The following CNTN2 variants were observed in gnomAD, a reference collection of about 807,000 sequenced individuals.
The protein encoded by CNTN2 is contactin-2.
In CNTN2, 53 loss-of-function variants were observed where a neutral mutation model predicts 117.5. That is an observed-to-expected ratio of 0.45 (90% CI 0.36 to 0.57). The LOEUF (loss-of-function observed/expected upper bound fraction) is 0.57. Ranked by LOEUF, CNTN2 falls within the 20% of genes least tolerant of loss-of-function variation. CNTN2 has a pLI of 0.00. For missense variants in CNTN2, 1,106 were observed against 1,404.3 expected, an observed-to-expected ratio of 0.79 and a Z score of 3.39; for synonymous variants, 530 against 561.7, an observed-to-expected ratio of 0.94 and a Z score of 0.80.
intron 10 of CNTN2, 188 bp downstream of exon 10, chr1:205,062,757 G>A: frequency 1.8e-6 from 1 of 561,160 alleles, no homozygotes; most frequent in East Asian, 3.7e-5. Flanking sequence ...GTTGACAGCT[G>A]CCAGAGGGCA....
At chr1:205,051,470 G>T (rs912595724) in intron 1 of CNTN2, among the ~76,000 whole-genome samples, 2 of 152,210 alleles carry the variant, frequency 1.3e-5, no homozygotes, top group African/African-American at 4.8e-5. Flanking sequence ...AGTGCAGAAT[G>T]TCTTGAGTTC....
At chr1:205,072,893 G>A in intron 21 of CNTN2, 175 bp from the exon 22 acceptor site, 1 of 698,496 alleles carries the variant, frequency 1.4e-6, no homozygotes, top group South Asian at 1.9e-5. Flanking sequence ...ACAGTTCAGT[G>A]GCCTGCAAGC....
chr1:205,055,396 G>A (rs1412090288), intron 2 of CNTN2, among the ~76,000 whole-genome samples: 2 of 152,116 alleles, frequency 1.3e-5, no homozygotes, highest in African/African-American at 4.8e-5. Context: ...GGTGTGTGAG[G>A]GTGTCTGTGG....
Position 205,058,347 on chromosome 1 carries a change from C to T in CNTN2, c.382C>T (p.Arg128Cys). 2 of 1,525,556 alleles carry T rather than the reference C, an allele frequency of 1.3e-6. No individual in the cohort carries two copies. The highest frequency in any genetic ancestry group is 1.8e-6 in the Non-Finnish European group (2 of 1,135,308). 94.5% of individuals were successfully genotyped at this position (1,525,556 alleles called of 1,614,324 possible). A position where few individuals can be genotyped will look rare whatever the true frequency, so the allele number is the denominator to read the frequency against. ...CGTTGTCAGCAGGGAGGCCATCCTC[C>T]GCTTCGGCTGTGAGACCCGCGGGGG... is the stretch of plus-strand genomic sequence containing the variant. ...GTVVSREAIL[R>C]FGFLQEFSKE... The change falls in exon 4 of 23, where the codon CGC becomes TGC. Residue 128 changes from arginine (R) to cysteine (C), a missense_variant. Arg to Cys is a radical substitution (Grantham distance 180). Coordinates refer to ENST00000331830, the MANE Select transcript of CNTN2 (RefSeq NM_005076.5). The surrounding 1 kb of genome is among the most constrained non-coding windows in gnomAD (Gnocchi z 4.3).
chr1:205,054,072 C>T (rs770614484), intron 2 of CNTN2, among the ~76,000 whole-genome samples: 7 of 152,232 alleles, frequency 4.6e-5, no homozygotes, highest in Non-Finnish European at 8.8e-5. Context: ...GGGAGGTCCC[C>T]AGCCGCCTCC....
intron 1 of CNTN2, among the ~76,000 whole-genome samples, chr1:205,052,601 A>C (rs1325609955): frequency 6.6e-6 from 1 of 152,168 alleles, no homozygotes; most frequent in Non-Finnish European, 1.5e-5. Flanking sequence ...CTGCTAGGAA[A>C]ACAAGACTGG....
chr1:205,068,482 G>C (rs1186131493), intron 16 of CNTN2: 1 of 152,196 alleles, frequency 6.6e-6, no homozygotes, highest in African/African-American at 2.4e-5. Context: ...GATTGATCCT[G>C]AACTTCTTGG....
In CNTN2 at chr1:205,058,369, G is replaced by A. The variant is rs200725113; in HGVS notation, c.391+13G>A. The A allele has an allele frequency of 1.9e-4, 295 of 1,530,692 alleles. 2 individuals carry two copies. The Admixed American group carries it at 5.8e-3, about 30-fold the overall frequency. The allele number at this position is 1,530,692 out of a possible 1,614,324, so 94.8% of individuals were successfully genotyped here. A position where few individuals can be genotyped will look rare whatever the true frequency, so the allele number is the denominator to read the frequency against. The stretch of plus-strand genomic sequence containing the variant: ...CTCCGCTTCGGCTGTGAGACCCGCG[G>A]GGGACCAAGACACTTTGGGGGAGGG... On this transcript the variant is annotated intron_variant, in intron 4 of 22. Coordinates refer to ENST00000331830, the MANE Select transcript of CNTN2 (RefSeq NM_005076.5). This position sits in a 1 kb window ranked among gnomAD's most constrained non-coding sequence, Gnocchi z 4.3.
At position 205,073,520 on chromosome 1, in the gene CNTN2, GAGA is replaced by G. The variant is rs1654705689; in HGVS notation, c.3014-132_3014-130del. ...TACAAAGCACCGTAGGAGTCGGACT[GAGA>G]AGACCACCCAGCCGTCCGCTCCCAG... On this transcript the variant is annotated intron_variant, in intron 22 of 22. Transcript: ENST00000331830. The surrounding 1 kb of genome is among the most constrained non-coding windows in gnomAD (Gnocchi z 6.3). 3.6e-6 allele frequency: 3 copies of G among 822,610 alleles called. No individual in the cohort carries two copies. Among genetic ancestry groups the G allele is most frequent in the Admixed American group, 2.2e-5 (1 of 45,376 alleles). The allele number at this position is 822,610 out of a possible 1,614,324, so 51.0% of individuals were successfully genotyped here. A position where few individuals can be genotyped will look rare whatever the true frequency, so the allele number is the denominator to read the frequency against.
intron 9 of CNTN2, 46 bp downstream of exon 9, chr1:205,062,047 C>A: frequency 6.3e-7 from 1 of 1,597,326 alleles, no homozygotes; most frequent in Non-Finnish European, 8.5e-7. Flanking sequence ...CTGTCCTCTG[C>A]TCACTTGGTT....
At position 205,059,394 on chromosome 1, in the gene CNTN2, G is replaced by A; in HGVS notation, c.697+101G>A. On this transcript the variant is annotated intron_variant, in intron 6 of 22. Coordinates refer to ENST00000331830, the MANE Select transcript of CNTN2 (RefSeq NM_005076.5). This position sits in a 1 kb window ranked among gnomAD's most constrained non-coding sequence, Gnocchi z 5.6. ...TGGAGATTGGAAGATCAGCTTGCAG[G>A]GCACTGATTCCAGGCCCTGGACCCC... 1 of 1,301,708 alleles carries A rather than the reference G, an allele frequency of 7.7e-7. No homozygotes were observed. The highest frequency in any genetic ancestry group is 1.1e-6 in the Non-Finnish European group (1 of 928,156). 80.6% of individuals were successfully genotyped at this position (1,301,708 alleles called of 1,614,324 possible). A position where few individuals can be genotyped will look rare whatever the true frequency, so the allele number is the denominator to read the frequency against.
intron 19 of CNTN2, 95 bp from the exon 20 acceptor site, chr1:205,071,852 C>A: frequency 8.2e-7 from 1 of 1,221,176 alleles, no homozygotes. Context: ...TCACAGGGAC[C>A]AGGATGAGCA....
At position 205,057,956 on chromosome 1, in the gene CNTN2, G is replaced by A. The variant is rs756069900; in HGVS notation, c.106G>A (p.Gly36Arg). Residue 36 changes from glycine (G) to arginine (R), a missense_variant, in exon 3 of 23, where the codon GGG (glycine) becomes AGG (arginine). Coordinates refer to ENST00000331830, the MANE Select transcript of CNTN2 (RefSeq NM_005076.5). Reference sequence around the variant, plus strand: ...AGCCCTGGGATCCCAAACCACCTTCGGGCCTGTCTTTGAAGACCAGCCCCT... The same window carrying A: ...AGCCCTGGGATCCCAAACCACCTTCAGGCCTGTCTTTGAAGACCAGCCCCT... ...SSALGSQTTF[G>R]PVFEDQPLSV... 22 of 1,614,042 alleles carry A rather than the reference G, an allele frequency of 1.4e-5. No individual in the cohort carries two copies. Among genetic ancestry groups the A allele is most frequent in the Non-Finnish European group, 1.4e-5 (17 of 1,180,008 alleles).
chr1:205,064,389 C>A lies in CNTN2; in HGVS notation c.1308C>A (p.Ile436=), dbSNP rs1047090212. 10 of 1,612,422 alleles carry A rather than the reference C, an allele frequency of 6.2e-6. No individual in the cohort carries two copies. In the Admixed American group the frequency reaches 1.7e-4, roughly 27 times the overall value. The change falls in exon 11 of 23, where the codon ATC becomes ATA. Residue 436 remains isoleucine, a synonymous_variant. Coordinates refer to ENST00000331830, the MANE Select transcript of CNTN2 (RefSeq NM_005076.5). The stretch of plus-strand genomic sequence containing the variant: ...TCCCCGCGGCCCGCGGGGGAGAGAT[C>A]CTTATCCCCTGCCAGCCCCGGGCAG... ...RLIPAARGGE[I]LIPCQPRAAP...
rs1255290042 is a variant in CNTN2, at chr1:205,061,981, G to A, written c.1090G>A (p.Gly364Arg). 2.5e-6 allele frequency: 4 copies of A among 1,613,326 alleles called. No individual in the cohort carries two copies. Among genetic ancestry groups the A allele is most frequent in the Non-Finnish European group, 3.4e-6 (4 of 1,179,784 alleles). The change falls in exon 9 of 23, where the codon GGG becomes AGG. Residue 364 changes from glycine to arginine, a missense_variant. Physicochemically the swap from Gly to Arg is moderately radical, Grantham distance 125 (BLOSUM62 -2). Coordinates refer to ENST00000331830, the MANE Select transcript of CNTN2 (RefSeq NM_005076.5). This position sits in a 1 kb window ranked among gnomAD's most constrained non-coding sequence, Gnocchi z 4.8. ...PRPTVRWLRN[G>R]EPLASQNRVE... ...GCCTACAGTGCGCTGGCTGCGGAAC[G>A]GGGAGCCTCTGGCCTCCCAGGTAGG...
rs1654178396 is a variant in CNTN2 at position 205,064,625 on chromosome 1, T to C, written c.1394T>C (p.Val465Ala). 1.2e-6 allele frequency: 2 copies of C among 1,613,860 alleles called. No individual in the cohort carries two copies. The highest frequency in any genetic ancestry group is 4.5e-5 in the East Asian group (2 of 44,858). Reference protein sequence around the residue: ...GTEILVNSSRVTVTPDGTLII... With the variant: ...GTEILVNSSRATVTPDGTLII... ...CATCTGCCTTGTCCTTGCCACAGAGTGACTGTAACTCCAGATGGCACCTTG... is the reference window on the plus strand; with the variant it reads ...CATCTGCCTTGTCCTTGCCACAGAGCGACTGTAACTCCAGATGGCACCTTG... Residue 465 changes from valine to alanine, a missense_variant and splice_region_variant, in exon 12 of 23, where the codon GTG (valine) becomes GCG (alanine). Coordinates refer to ENST00000331830, the MANE Select transcript of CNTN2 (RefSeq NM_005076.5).
intron 15 of CNTN2, 71 bp downstream of exon 15, chr1:205,066,670 G>A (rs1654309541): frequency 6.4e-7 from 1 of 1,557,054 alleles, no homozygotes; most frequent in Admixed American, 1.8e-5. Context: ...AAGGGTCAAG[G>A]TTTGGGGATC....
chr1:205,066,610 G>A lies in CNTN2; in HGVS notation c.1975+11G>A. On this transcript the variant is annotated intron_variant, in intron 15 of 22. Transcript: ENST00000331830. ...AGCAGGTTCGGACCAGTAAGTGTGA[G>A]CCCCACCTGGGTCAGTGCTGATAAG... 1 of 1,613,438 alleles carries A rather than the reference G, an allele frequency of 6.2e-7. No individual in the cohort carries two copies. Among genetic ancestry groups the A allele is most frequent in the Non-Finnish European group, 8.5e-7 (1 of 1,179,774 alleles).
rs745910077 is a variant in CNTN2 at position 205,065,838 on chromosome 1, G to A, written c.1745G>A (p.Gly582Glu). ...ATCCTGAACGCCCAGCTGCGCCATG[G>A]GGGGAAGTACACGTGCATGGCCCAG... ...LTILNAQLRH[G>E]GKYTCMAQTV... Residue 582 changes from glycine to glutamate, a missense_variant, in exon 14 of 23, where the codon GGG (glycine) becomes GAG (glutamate). Coordinates refer to ENST00000331830, the MANE Select transcript of CNTN2 (RefSeq NM_005076.5). The surrounding 1 kb of genome is among the most constrained non-coding windows in gnomAD (Gnocchi z 4.1). 2.5e-6 allele frequency: 4 copies of A among 1,603,536 alleles called. No individual in the cohort carries two copies. In the South Asian group the frequency reaches 3.3e-5, roughly 13 times the overall value.
Sources: allele counts gnomAD v4.1 joint callset (sites outside exome capture counted in the v4.1 genomes callset), GRCh38; gene constraint gnomAD v4.1.1; non-coding constraint Gnocchi (gnomAD v3.1); transcripts MANE v1.5; gene names NCBI Gene and HGNC (gene_info 2026-07-23, HGNC 2026-07-21).